Variants in LUZP2 observed in about 807,000 individuals in gnomAD.
The protein encoded by LUZP2 is leucine zipper protein 2.
In LUZP2, 52 loss-of-function variants were observed where a neutral mutation model predicts 51.6. The observed-to-expected ratio is 1.01, with a 90% CI of 0.81 to 1.27. The LOEUF is 1.27. Ranked by LOEUF, LUZP2 falls within the 50% of genes most tolerant of loss-of-function variation. LUZP2 has a pLI of 0.00. For synonymous variants in LUZP2, 154 were observed against 137.3 expected, an observed-to-expected ratio of 1.12 and a Z score of -0.85; for missense variants, 436 against 395.4, an observed-to-expected ratio of 1.10 and a Z score of -0.87.
intron 9 of LUZP2, among the ~76,000 whole-genome samples, chr11:25,021,090 A>G (rs1287412262): frequency 6.6e-6 from 1 of 152,130 alleles, no homozygotes; most frequent in Admixed American, 6.6e-5. Context: ...TGGGGCTTAT[A>G]TAACTTGCAG....
chr11:24,925,013 A>T (rs1854184670), intron 7 of LUZP2, among the ~76,000 whole-genome samples: 1 of 152,214 alleles, frequency 6.6e-6, no homozygotes, highest in Admixed American at 6.5e-5. Flanking sequence ...TCAGAAAAAA[A>T]AATCTGGAAA....
At chr11:24,752,070 T>G (rs929930508) in intron 4 of LUZP2, among the ~76,000 whole-genome samples, 1 of 151,970 alleles carries the variant, frequency 6.6e-6, no homozygotes, top group African/African-American at 2.4e-5. Context: ...AATACTGAGA[T>G]AGAAAATATA....
At chr11:24,835,058 A>AT (rs1271106850) in intron 5 of LUZP2, among the ~76,000 whole-genome samples, 1 of 151,950 alleles carries the variant, frequency 6.6e-6, no homozygotes, top group African/African-American at 2.4e-5. Flanking sequence ...TGTTCACTCT[A>AT]TACCACAAGG....
intron 7 of LUZP2, among the ~76,000 whole-genome samples, chr11:24,967,891 A>G (rs574200496): frequency 1.3e-5 from 2 of 152,254 alleles, no homozygotes; most frequent in South Asian, 2.1e-4. Context: ...ACTTTGAATC[A>G]TATATACATA....
intron 5 of LUZP2, among the ~76,000 whole-genome samples, chr11:24,785,506 T>G (rs1240446972): frequency 6.6e-6 from 1 of 151,956 alleles, no homozygotes; most frequent in African/African-American, 2.4e-5. Context: ...ACATTGATAC[T>G]TACTTGGGAA....
chr11:24,884,052 G>T (rs1328148135), intron 5 of LUZP2, among the ~76,000 whole-genome samples: 1 of 152,004 alleles, frequency 6.6e-6, no homozygotes, highest in African/African-American at 2.4e-5. Context: ...GGGAAGATTG[G>T]GGTGAGAATA....
At chr11:24,713,277 G>C (rs1194100775) in intron 1 of LUZP2, among the ~76,000 whole-genome samples, 1 of 151,958 alleles carries the variant, frequency 6.6e-6, no homozygotes, top group Non-Finnish European at 1.5e-5. Context: ...CTTGTGGGCA[G>C]GTATTGAAAA....
intron 4 of LUZP2, among the ~76,000 whole-genome samples, chr11:24,748,307 G>C (rs1182112330): frequency 6.6e-6 from 1 of 152,040 alleles, no homozygotes; most frequent in Non-Finnish European, 1.5e-5. Context: ...CCTGCAAACT[G>C]CTCCTTCAGT....
At chr11:24,508,219 C>T (rs920738218) in intron 1 of LUZP2, among the ~76,000 whole-genome samples, 1 of 152,030 alleles carries the variant, frequency 6.6e-6, no homozygotes, top group Non-Finnish European at 1.5e-5. Context: ...CACTGTACTA[C>T]AGTGCCTCCT....
At chr11:24,652,553 CT>C (rs1479553781) in intron 1 of LUZP2, among the ~76,000 whole-genome samples, 1 of 151,942 alleles carries the variant, frequency 6.6e-6, no homozygotes, top group Non-Finnish European at 1.5e-5. Flanking sequence ...TGTATATGTC[CT>C]CATGCAAAGT....
intron 7 of LUZP2, among the ~76,000 whole-genome samples, chr11:24,971,271 T>G (rs557303733): frequency 2.0e-5 from 3 of 152,224 alleles, no homozygotes; most frequent in African/African-American, 7.2e-5. Flanking sequence ...TGTCACTAGA[T>G]TCTCATAAAG....
intron 2 of LUZP2, 104 bp downstream of exon 2, chr11:24,729,390 C>T: frequency 1.8e-6 from 1 of 566,838 alleles, no homozygotes; most frequent in Non-Finnish European, 3.1e-6. Context: ...TGTTTCTGGG[C>T]TTGACCATGG....
Position 25,077,362 on chromosome 11 carries a change from A to G in LUZP2, c.892A>G (p.Ser298Gly), listed in dbSNP as rs1317479176. ...GRPCSMKHKE[S>G]PPSNATAETE... ...ACCGTGTTCCATGAAGCACAAAGAA[A>G]GTCCCCCAAGTAATGCCACTGCAGA... The change falls in exon 11 of 12, where the codon AGT becomes GGT. Residue 298 changes from serine (S) to glycine (G), a missense_variant. Coordinates refer to ENST00000336930, the MANE Select transcript of LUZP2 (RefSeq NM_001009909.4). The G allele has an allele frequency of 6.2e-7, 1 of 1,613,198 alleles. No individual in the cohort carries two copies. Among genetic ancestry groups the G allele is most frequent in the African/African-American group, 1.3e-5 (1 of 75,010 alleles).
chr11:24,527,874 T>A (rs1850862947), intron 1 of LUZP2, among the ~76,000 whole-genome samples: 1 of 151,332 alleles, frequency 6.6e-6, no homozygotes, highest in Admixed American at 6.6e-5. Flanking sequence ...AAGCTCAGGA[T>A]ACAAATGGAG....
chr11:24,777,030 C>T (rs1021055814), intron 5 of LUZP2, among the ~76,000 whole-genome samples: 6 of 149,846 alleles, frequency 4.0e-5, no homozygotes, highest in South Asian at 2.1e-4. Context: ...AGTTTTGCTC[C>T]GTCGCCCAGG....
At chr11:24,877,943 A>AT (rs1565039154) in intron 5 of LUZP2, among the ~76,000 whole-genome samples, 2 of 152,144 alleles carry the variant, frequency 1.3e-5, no homozygotes, top group South Asian at 2.1e-4. Context: ...AGGATCTCAT[A>AT]TTTTTTACGG....
chr11:24,676,636 TC>T (rs967581829), intron 1 of LUZP2, among the ~76,000 whole-genome samples: 1 of 151,798 alleles, frequency 6.6e-6, no homozygotes, highest in African/African-American at 2.4e-5. Flanking sequence ...ATTAAGCCTC[TC>T]ATAATTTATT....
At chr11:25,057,573 G>T (rs1346248424) in intron 10 of LUZP2, among the ~76,000 whole-genome samples, 1 of 152,100 alleles carries the variant, frequency 6.6e-6, no homozygotes, top group East Asian at 1.9e-4. Flanking sequence ...TTGTTTAATA[G>T]CATATCAAGA....
At chr11:24,757,307 CAT>C (rs1382158239) in intron 4 of LUZP2, among the ~76,000 whole-genome samples, 43 of 152,080 alleles carry the variant, frequency 2.8e-4, no homozygotes, top group Admixed American at 1.5e-3. Flanking sequence ...ATTAGTAGCA[CAT>C]ATGTTATTAA....
Sources: gnomAD v4.1 joint callset for allele counts (sites outside exome capture counted in the v4.1 genomes callset) on GRCh38, gnomAD v4.1.1 for gene constraint, MANE v1.5 for transcripts, NCBI Gene and HGNC (gene_info 2026-07-23, HGNC 2026-07-21) for gene names.